Variants in KBTBD12 observed in about 807,000 individuals in gnomAD.
KBTBD12 encodes kelch repeat and BTB domain-containing protein 12.
In KBTBD12, 53 loss-of-function variants were observed where a neutral mutation model predicts 58.7. The ratio of observed to expected loss-of-function variants is 0.90; its 90% CI spans 0.72 to 1.14. KBTBD12 has a LOEUF of 1.14. Ranked by LOEUF, KBTBD12 falls within the 50% of genes most tolerant of loss-of-function variation. KBTBD12 has a pLI of 0.00. For synonymous variants in KBTBD12, 236 were observed against 259.8 expected (o/e 0.91, Z 0.88); for missense variants, 704 against 751.3 (o/e 0.94, Z 0.74).
At chr3:127,962,623 A>G (rs1409652791) in intron 4 of KBTBD12, among the ~76,000 whole-genome samples, 1 of 152,220 alleles carries the variant, frequency 6.6e-6, no homozygotes, top group Non-Finnish European at 1.5e-5. Context: ...TATCTGATGA[A>G]TGAACTATAT....
rs986177453 is a variant in KBTBD12 at position 127,915,433 on chromosome 3, G to A, written c.-266G>A. 1.3e-5 allele frequency: 2 copies of A among 152,708 alleles called. No homozygotes were observed. Among genetic ancestry groups the A allele is most frequent in the Admixed American group, 1.3e-4 (2 of 15,294 alleles). The allele number at this position is 152,708 out of a possible 1,614,324, so 9.5% of individuals were successfully genotyped here. On this transcript the variant is annotated 5_prime_UTR_variant, in exon 1 of 6. Transcript: ENST00000405109. Reference sequence around the variant, plus strand: ...CAGCGCCCTCCCTCCTCCTCCGCAGGGCGCGGGACCTCTATTTATATCGCC... The same window carrying A: ...CAGCGCCCTCCCTCCTCCTCCGCAGAGCGCGGGACCTCTATTTATATCGCC...
At chr3:127,949,686 C>T (rs1268040348) in intron 4 of KBTBD12, among the ~76,000 whole-genome samples, 2 of 152,192 alleles carry the variant, frequency 1.3e-5, no homozygotes, top group Admixed American at 1.3e-4. Flanking sequence ...CTGTAAGACC[C>T]TGTCACAAAA....
intron 4 of KBTBD12, among the ~76,000 whole-genome samples, chr3:127,954,942 T>C (rs1940290694): frequency 6.6e-6 from 1 of 152,250 alleles, no homozygotes; most frequent in African/African-American, 2.4e-5. Flanking sequence ...ACGAAGAGCA[T>C]GCTGCTTTGC....
At chr3:127,948,302 T>C (rs1940129237) in intron 4 of KBTBD12, among the ~76,000 whole-genome samples, 1 of 151,668 alleles carries the variant, frequency 6.6e-6, no homozygotes, top group African/African-American at 2.4e-5. Context: ...AGCAGAGGCC[T>C]TGGGGAGTCC....
chr3:127,965,843 G>A (rs946919932), intron 5 of KBTBD12, among the ~76,000 whole-genome samples: 13 of 152,142 alleles, frequency 8.5e-5, no homozygotes, highest in African/African-American at 1.2e-4. Context: ...AAGCTAAAAA[G>A]CAGATGTATG....
intron 4 of KBTBD12, among the ~76,000 whole-genome samples, chr3:127,948,402 T>A (rs146509119): frequency 1.0e-3 from 152 of 152,366 alleles, no homozygotes; most frequent in African/African-American, 3.4e-3. Flanking sequence ...TCTCTGGTAC[T>A]CTTGCCTTCA....
chr3:127,959,273 T>C (rs1227200467), intron 4 of KBTBD12, among the ~76,000 whole-genome samples: 1 of 152,174 alleles, frequency 6.6e-6, no homozygotes, highest in Non-Finnish European at 1.5e-5. Flanking sequence ...CATTGCAAAA[T>C]CCTTTTCTAT....
At chr3:127,930,052 C>A in intron 3 of KBTBD12, 81 bp from the exon 4 acceptor site, 1 of 1,285,688 alleles carries the variant, frequency 7.8e-7, no homozygotes, top group Non-Finnish European at 1.1e-6. Context: ...CCTTGGCTGT[C>A]TGCTTTGATT....
intron 5 of KBTBD12, among the ~76,000 whole-genome samples, chr3:127,978,644 C>A (rs890394350): frequency 6.6e-6 from 1 of 152,130 alleles, no homozygotes; most frequent in East Asian, 1.9e-4. Flanking sequence ...TACCCCACCC[C>A]CTTCCCAAGC....
In KBTBD12 at chr3:127,927,992, A is replaced by G; in HGVS notation, c.1299A>G (p.Thr433=). The G allele has an allele frequency of 1.2e-6, 2 of 1,613,586 alleles. No individual in the cohort carries two copies. Among genetic ancestry groups the G allele is most frequent in the Non-Finnish European group, 1.7e-6 (2 of 1,179,678 alleles). The stretch of plus-strand genomic sequence containing the variant: ...AATTGGCATGTCATGCTGTAGTGAC[A>G]GTGAATAATAAACTTTATGTAATTG... The part of the protein sequence containing the change: ...PLQLACHAVV[T]VNNKLYVIGG... Residue 433 remains threonine, a synonymous_variant, in exon 3 of 6, where the codon ACA becomes ACG. Transcript: ENST00000405109.
At chr3:127,945,678 C>CTTT (rs36060646) in intron 4 of KBTBD12, among the ~76,000 whole-genome samples, 1 of 127,148 alleles carries the variant, frequency 7.9e-6, no homozygotes. Context: ...CTTATTTTCA[C>CTTT]TTTTTTTTTT....
intron 1 of KBTBD12, among the ~76,000 whole-genome samples, chr3:127,917,896 C>CCTTA (rs1939294222): frequency 6.6e-6 from 1 of 152,136 alleles, no homozygotes; most frequent in African/African-American, 2.4e-5. Context: ...CTCCTGTGTG[C>CCTTA]TAAGTGTCAT....
chr3:127,931,772 G>C (rs1939707671), intron 4 of KBTBD12, among the ~76,000 whole-genome samples: 1 of 152,112 alleles, frequency 6.6e-6, no homozygotes, highest in Non-Finnish European at 1.5e-5. Context: ...ATCTAGAAAA[G>C]AGCATGCTCC....
At chr3:127,932,459 T>C (rs530065834) in intron 4 of KBTBD12, among the ~76,000 whole-genome samples, 14 of 152,292 alleles carry the variant, frequency 9.2e-5, no homozygotes, top group African/African-American at 3.1e-4. Flanking sequence ...AATCTATATG[T>C]ACCTCCACTG....
intron 4 of KBTBD12, among the ~76,000 whole-genome samples, chr3:127,957,801 A>G (rs1398082010): frequency 6.6e-6 from 1 of 152,202 alleles, no homozygotes; most frequent in African/African-American, 2.4e-5. Flanking sequence ...TCTGCCCTCA[A>G]GGGACTTACA....
intron 4 of KBTBD12, 50 bp downstream of exon 4, chr3:127,930,333 C>G (rs1253441834): frequency 6.5e-7 from 1 of 1,541,550 alleles, no homozygotes; most frequent in Non-Finnish European, 8.8e-7. Flanking sequence ...TTTTCCTCAG[C>G]AGTTTGCCTC....
In KBTBD12 at chr3:127,963,304, C is replaced by T. The variant is rs551363026; in HGVS notation, c.1608C>T (p.Pro536=). 6.2e-7 allele frequency: 1 copy of T among 1,611,636 alleles called. No individual in the cohort carries two copies. Among genetic ancestry groups the T allele is most frequent in the South Asian group, 1.1e-5 (1 of 90,254 alleles). Residue 536 remains proline, a synonymous_variant, in exon 5 of 6, where the codon CCC becomes CCT. Transcript: ENST00000405109. Reference sequence around the variant, plus strand: ...GAGAGGGCCCTCCCATGCCAAGTCCCCTCCTCTCACTCCGCACCAATTCCA... The same window carrying T: ...GAGAGGGCCCTCCCATGCCAAGTCCTCTCCTCTCACTCCGCACCAATTCCA... The part of the protein sequence containing the change: ...FWREGPPMPS[P]LLSLRTNSTN...
At chr3:127,969,771 A>G (rs935259534) in intron 5 of KBTBD12, among the ~76,000 whole-genome samples, 19 of 152,222 alleles carry the variant, frequency 1.2e-4, no homozygotes, top group African/African-American at 4.3e-4. Flanking sequence ...TCCACATGCA[A>G]AATAATGAAG....
intron 5 of KBTBD12, among the ~76,000 whole-genome samples, chr3:127,972,094 C>G (rs1404574900): frequency 1.3e-5 from 2 of 152,190 alleles, no homozygotes; most frequent in African/African-American, 4.8e-5. Context: ...TGACAGCTGA[C>G]AGTTACCTGG....
Sources: gnomAD v4.1 joint callset for allele counts (sites outside exome capture counted in the v4.1 genomes callset) on GRCh38, gnomAD v4.1.1 for gene constraint, MANE v1.5 for transcripts, NCBI Gene and HGNC (gene_info 2026-07-23, HGNC 2026-07-21) for gene names.